ARMH3: variants seen among roughly 807,000 people sequenced by gnomAD.
ARMH3 encodes armadillo-like helical domain-containing protein 3.
In ARMH3, 60 loss-of-function variants were observed where a neutral mutation model predicts 99.1. The ratio of observed to expected loss-of-function variants is 0.61; its 90% confidence interval spans 0.49 to 0.75. The LOEUF (loss-of-function observed/expected upper bound fraction) is 0.75, where lower values mean the gene tolerates loss of function less well. Ranked by LOEUF, ARMH3 falls within the 30% of genes least tolerant of loss-of-function variation. ARMH3 has a pLI of 0.00. For synonymous variants in ARMH3, 285 were observed against 292.8 expected (o/e 0.97, Z 0.27); for missense variants, 679 against 843.1 (o/e 0.81, Z 2.41).
chr10:101,940,452 C>CT lies in ARMH3; in HGVS notation c.1706-515dup, dbSNP rs971458943. On this transcript the variant is annotated intron_variant, in intron 22 of 25. Coordinates refer to ENST00000370033, the MANE Select transcript of ARMH3 (RefSeq NM_024541.3). ...GGTCATGTGTCAATCAAGGATTAAC[C>CT]TTTTTTTTTTTAATTATACTTTAAG... Among the ~76,000 whole-genome samples, 25 of 147,132 alleles carry CT rather than the reference C, an allele frequency of 1.7e-4. No homozygotes were observed. The South Asian group carries it at 2.4e-3, about 14-fold the overall frequency.
chr10:102,035,690 T>A (rs934388727), intron 2 of ARMH3, among the ~76,000 whole-genome samples: 1 of 152,096 alleles, frequency 6.6e-6, no homozygotes. Context: ...GCAGACGGAG[T>A]CTCGTTCACT....
chr10:101,983,661 G>A (rs952021060), intron 19 of ARMH3, among the ~76,000 whole-genome samples: 7 of 152,158 alleles, frequency 4.6e-5, no homozygotes, highest in Non-Finnish European at 7.3e-5. Flanking sequence ...CCTACAGGAA[G>A]GCGAACAAGA....
At chr10:101,904,318 G>A (rs2068050327) in intron 23 of ARMH3, among the ~76,000 whole-genome samples, 1 of 152,168 alleles carries the variant, frequency 6.6e-6, no homozygotes, top group African/African-American at 2.4e-5. Flanking sequence ...CCAGTGGCAT[G>A]TGAAACAGCC....
intron 23 of ARMH3, 178 bp from the exon 24 acceptor site, chr10:101,889,668 T>A: frequency 1.6e-6 from 1 of 634,832 alleles, no homozygotes; most frequent in Non-Finnish European, 2.9e-6. Context: ...TTGATAACTC[T>A]GAAGTGGGAA....
intron 14 of ARMH3, among the ~76,000 whole-genome samples, chr10:102,004,408 T>C (rs1053734489): frequency 7.2e-5 from 11 of 152,218 alleles, no homozygotes; most frequent in African/African-American, 2.7e-4. Context: ...TCCTTGATCT[T>C]TGGCTTCATA....
At chr10:101,938,337 G>C (rs945305479) in intron 23 of ARMH3, among the ~76,000 whole-genome samples, 2 of 152,204 alleles carry the variant, frequency 1.3e-5, no homozygotes, top group African/African-American at 4.8e-5. Flanking sequence ...TGGTAACAAG[G>C]CTCAGCCCAG....
chr10:102,028,229 C>T (rs1408644460), intron 5 of ARMH3, among the ~76,000 whole-genome samples: 1 of 152,092 alleles, frequency 6.6e-6, no homozygotes, highest in Non-Finnish European at 1.5e-5. Flanking sequence ...AATTCTACAC[C>T]TAGGTATATG....
intron 23 of ARMH3, among the ~76,000 whole-genome samples, chr10:101,937,583 A>G (rs1844046122): frequency 1.3e-5 from 2 of 152,130 alleles, no homozygotes; most frequent in South Asian, 4.1e-4. Context: ...CCAAGGAACA[A>G]ATATGGGGCC....
chr10:101,961,252 T>C (rs779635094), intron 20 of ARMH3, among the ~76,000 whole-genome samples: 1 of 151,584 alleles, frequency 6.6e-6, no homozygotes, highest in Non-Finnish European at 1.5e-5. Context: ...CTCTGCTGTC[T>C]TATCTACATC....
chr10:101,926,375 T>G (rs1470706368), intron 23 of ARMH3, among the ~76,000 whole-genome samples: 1 of 151,986 alleles, frequency 6.6e-6, no homozygotes, highest in Non-Finnish European at 1.5e-5. Flanking sequence ...ATTTTTTGTA[T>G]GTTGTCCAGG....
intron 24 of ARMH3, among the ~76,000 whole-genome samples, chr10:101,858,390 C>T (rs2066782811): frequency 6.6e-6 from 1 of 152,184 alleles, no homozygotes; most frequent in African/African-American, 2.4e-5. Context: ...ATAACTTCAT[C>T]ATATATAGCT....
Position 101,847,368 on chromosome 10 carries a change from C to T in ARMH3, c.*160G>A, listed in dbSNP as rs988885494. 96 of 681,804 alleles carry T rather than the reference C, an allele frequency of 1.4e-4. No homozygotes were observed. Among genetic ancestry groups the T allele is most frequent in the Non-Finnish European group, 5.6e-5 (22 of 394,554 alleles). The allele number at this position is 681,804 out of a possible 1,614,324, so 42.2% of individuals were successfully genotyped here. ...TTATCCCTGGCTTGACCCTCCTGCC[C>T]CTGCTGCCCAAGCTCCATTGAAGTG... On this transcript the variant is annotated 3_prime_UTR_variant, in exon 26 of 26. Coordinates refer to ENST00000370033, the MANE Select transcript of ARMH3 (RefSeq NM_024541.3).
intron 23 of ARMH3, among the ~76,000 whole-genome samples, chr10:101,902,170 TGA>T (rs895057840): frequency 1.3e-5 from 2 of 152,166 alleles, no homozygotes; most frequent in African/African-American, 4.8e-5. Context: ...CAAATAATTT[TGA>T]GAGTCAAAAT....
At chr10:101,972,309 T>C (rs374587442) in intron 20 of ARMH3, among the ~76,000 whole-genome samples, 2 of 152,156 alleles carry the variant, frequency 1.3e-5, no homozygotes, top group East Asian at 1.9e-4. Context: ...ACACCCACAT[T>C]CCAAACTACA....
chr10:101,889,533 G>A (rs373745425), intron 23 of ARMH3, 43 bp from the exon 24 acceptor site: 5 of 1,515,794 alleles, frequency 3.3e-6, no homozygotes, highest in Non-Finnish European at 2.8e-6. Flanking sequence ...AGATAGAAGA[G>A]GTGGATACAT....
chr10:101,973,933 G>T (rs778767828), intron 20 of ARMH3, among the ~76,000 whole-genome samples: 1 of 152,114 alleles, frequency 6.6e-6, no homozygotes, highest in Non-Finnish European at 1.5e-5. Context: ...TGCTTTTAGA[G>T]CCTAACAATC....
chr10:101,910,748 C>A (rs1304723414), intron 23 of ARMH3, among the ~76,000 whole-genome samples: 88 of 139,580 alleles, frequency 6.3e-4, no homozygotes, highest in Middle Eastern at 4.0e-3. Flanking sequence ...AAAAAAAAAA[C>A]AACAACTCAA....
Position 102,015,936 on chromosome 10 carries a change from C to A in ARMH3, c.670-1912G>T, listed in dbSNP as rs149389075. Among the ~76,000 whole-genome samples, 750 of 152,242 alleles carry A rather than the reference C, an allele frequency of 4.9e-3. 3 individuals are homozygous for A. Among genetic ancestry groups the A allele is most frequent in the Non-Finnish European group, 8.4e-3 (570 of 68,020 alleles). On this transcript the variant is annotated intron_variant, in intron 8 of 25. Coordinates refer to ENST00000370033, the MANE Select transcript of ARMH3 (RefSeq NM_024541.3). ...ATCACTTGAGCCCAGGAGTTCAAGA[C>A]CAGCTTGGGCAACATGGCAAAACCC...
chr10:101,870,879 G>A (rs2067116242), intron 24 of ARMH3, among the ~76,000 whole-genome samples: 2 of 152,100 alleles, frequency 1.3e-5, no homozygotes, highest in South Asian at 4.1e-4. Flanking sequence ...GGTTGACGCT[G>A]CAGTGAGCTG....
Sources: gnomAD v4.1 joint callset for allele counts (sites outside exome capture counted in the v4.1 genomes callset) on GRCh38, gnomAD v4.1.1 for gene constraint, MANE v1.5 for transcripts, NCBI Gene and HGNC (gene_info 2026-07-23, HGNC 2026-07-21) for gene names.